PIWIL1: variants seen among roughly 807,000 people sequenced by gnomAD.
PIWIL1 encodes the protein piwi like RNA-mediated gene silencing 1, also known as piwi-like protein 1.
In PIWIL1, 73 loss-of-function variants were observed where a neutral mutation model predicts 114.4. The observed-to-expected ratio is 0.64, with a 90% CI of 0.53 to 0.78. The LOEUF (loss-of-function observed/expected upper bound fraction) is 0.78. PIWIL1 is among the 30% of genes least tolerant of loss of function. The pLI is 0.00. For missense variants in PIWIL1, 723 were observed against 1,063.1 expected, an observed-to-expected ratio of 0.68 and a Z score of 4.45; for synonymous variants, 375 against 369.0, an observed-to-expected ratio of 1.02 and a Z score of -0.19.
chr12:130,387,755 G>A, the PIWIL1 span, among the ~76,000 whole-genome samples: 1 of 151,974 alleles, frequency 6.6e-6, no homozygotes, highest in African/African-American at 2.4e-5. Context: ...CAAAGTGGAT[G>A]CTGTTGAAAT....
the PIWIL1 span, among the ~76,000 whole-genome samples, chr12:130,406,703 G>A: frequency 6.6e-6 from 1 of 152,112 alleles, no homozygotes; most frequent in Non-Finnish European, 1.5e-5. Context: ...CTGGAGTGCA[G>A]CAGTGCAACC....
chr12:130,358,686 C>T (rs1409020574), intron 14 of PIWIL1, among the ~76,000 whole-genome samples: 1 of 152,130 alleles, frequency 6.6e-6, no homozygotes, highest in South Asian at 2.1e-4. Context: ...AAAATTACCC[C>T]CCTTTTCTCA....
chr12:130,366,032 A>G (rs746388797), intron 18 of PIWIL1, among the ~76,000 whole-genome samples: 2 of 152,198 alleles, frequency 1.3e-5, no homozygotes, highest in African/African-American at 4.8e-5. Context: ...TCAGTGAAAA[A>G]CATCAGCAAC....
intron 13 of PIWIL1, 86 bp from the exon 14 acceptor site, chr12:130,357,395 T>C: frequency 1.0e-6 from 1 of 960,336 alleles, no homozygotes. Flanking sequence ...TACGGAAACG[T>C]TTCCTGTGTT....
At chr12:130,406,038 T>G in the PIWIL1 span, 1 of 632,230 alleles carries the variant, frequency 1.6e-6, no homozygotes, top group Non-Finnish European at 2.8e-6. Flanking sequence ...CTCAGCCAAT[T>G]AAGCAAAGCT....
At chr12:130,340,653 A>AGGG (rs2072892260) in intron 1 of PIWIL1, among the ~76,000 whole-genome samples, 2 of 29,802 alleles carry the variant, frequency 6.7e-5, no homozygotes, top group Non-Finnish European at 1.3e-4. Context: ...GGGTGGGGGG[A>AGGG]GGGGGGTTGG....
At chr12:130,351,770 T>A (rs2073218126) in intron 9 of PIWIL1, 1 of 152,200 alleles carries the variant, frequency 6.6e-6, no homozygotes, top group South Asian at 2.1e-4. Context: ...TTTCTCCTTT[T>A]CTAAATGGCA....
chr12:130,338,130 G>T lies in PIWIL1; in HGVS notation c.-29G>T, dbSNP rs1331383798. 3 of 302,720 alleles carry T rather than the reference G, an allele frequency of 9.9e-6. No homozygotes were observed. In the East Asian group the frequency reaches 4.1e-4, roughly 41 times the overall value. 18.8% of individuals were successfully genotyped at this position (302,720 alleles called of 1,614,324 possible). A position where few individuals can be genotyped will look rare whatever the true frequency, so the allele number is the denominator to read the frequency against. ...GAGGTGCAAGGACCAGGACTAGGGC[G>T]AGGGCAGCGGTCCAAGGTGCGGGGC... On this transcript the variant is annotated 5_prime_UTR_variant, in exon 1 of 21. Coordinates refer to ENST00000245255, the MANE Select transcript of PIWIL1 (RefSeq NM_004764.5).
intron 1 of PIWIL1, chr12:130,342,170 G>GTC: frequency 5.7e-6 from 1 of 176,426 alleles, no homozygotes; most frequent in Non-Finnish European, 1.2e-5. Context: ...GTGTGTGTGT[G>GTC]TGTGTGTGTG....
the PIWIL1 span, among the ~76,000 whole-genome samples, chr12:130,420,411 G>A: frequency 6.6e-6 from 1 of 152,164 alleles, no homozygotes; most frequent in Non-Finnish European, 1.5e-5. This position sits in a 1 kb window ranked among gnomAD's most constrained non-coding sequence, Gnocchi z 4.3. Flanking sequence ...TTAAGGTGTT[G>A]ACATAGATTT....
intron 3 of PIWIL1, among the ~76,000 whole-genome samples, chr12:130,344,890 A>G (rs1284028045): frequency 6.6e-6 from 1 of 152,198 alleles, no homozygotes; most frequent in African/African-American, 2.4e-5. Context: ...GAGGGTGGAA[A>G]TTTTAGTCTA....
At chr12:130,399,193 AAT>A in the PIWIL1 span, 8 of 1,239,518 alleles carry the variant, frequency 6.5e-6, no homozygotes, top group Admixed American at 3.0e-5. Flanking sequence ...AAGAAATAAA[AAT>A]ATATATATAA....
chr12:130,360,726 C>T (rs910915425), intron 14 of PIWIL1, among the ~76,000 whole-genome samples: 1 of 152,202 alleles, frequency 6.6e-6, no homozygotes, highest in African/African-American at 2.4e-5. Context: ...GTTTTGTCCC[C>T]AGAATTGTCC....
the PIWIL1 span, chr12:130,422,592 T>G: frequency 1.3e-6 from 2 of 1,496,968 alleles, no homozygotes; most frequent in African/African-American, 1.4e-5. The surrounding 1 kb of genome is among the most constrained non-coding windows in gnomAD (Gnocchi z 5.2). Context: ...AAGTCGTAAG[T>G]CTCGCCAGCA....
downstream of PIWIL1, among the ~76,000 whole-genome samples, chr12:130,375,767 A>C (rs1222468828): frequency 6.6e-6 from 1 of 151,648 alleles, no homozygotes; most frequent in Non-Finnish European, 1.5e-5. Context: ...TTTCCCTCAA[A>C]ACTCCTGTGT....
downstream of PIWIL1, among the ~76,000 whole-genome samples, chr12:130,376,533 A>G (rs1343028971): frequency 6.6e-6 from 1 of 152,152 alleles, no homozygotes; most frequent in Non-Finnish European, 1.5e-5. Flanking sequence ...AGTATGCTCA[A>G]AGTTAAACTG....
the PIWIL1 span, among the ~76,000 whole-genome samples, chr12:130,422,754 C>T: frequency 5.3e-5 from 8 of 152,208 alleles, no homozygotes; most frequent in African/African-American, 1.2e-4. This position sits in a 1 kb window ranked among gnomAD's most constrained non-coding sequence, Gnocchi z 5.2. Flanking sequence ...TACTCGGAGC[C>T]GCTGCTGGGC....
At chr12:130,375,627 C>T (rs937473042), downstream of PIWIL1, among the ~76,000 whole-genome samples, 2 of 152,174 alleles carry the variant, frequency 1.3e-5, no homozygotes, top group Non-Finnish European at 2.9e-5. Flanking sequence ...CTCCTTGTTT[C>T]CCTGCTTTAG....
the PIWIL1 span, among the ~76,000 whole-genome samples, chr12:130,410,805 C>G: frequency 6.6e-6 from 1 of 152,184 alleles, no homozygotes; most frequent in African/African-American, 2.4e-5. Context: ...ATCTTCCAAG[C>G]TTCTTGTTCT....
Sources: allele counts gnomAD v4.1 joint callset (sites outside exome capture counted in the v4.1 genomes callset), GRCh38; gene constraint gnomAD v4.1.1; non-coding constraint Gnocchi (gnomAD v3.1); transcripts MANE v1.5; gene names NCBI Gene and HGNC (gene_info 2026-07-23, HGNC 2026-07-21).